The following PSMD14 variants were observed in gnomAD, a reference collection of about 807,000 sequenced individuals.
PSMD14 encodes the protein proteasome 26S subunit, non-ATPase 14, also known as ubiquitin C-terminal hydrolase PSMD14.
PSMD14 carries 7 observed loss-of-function variants against 41.2 expected under a neutral mutation model. The observed-to-expected ratio is 0.17, with a 90% CI of 0.10 to 0.32. The LOEUF is 0.32. Ranked by LOEUF, PSMD14 falls within the 10% of genes least tolerant of loss-of-function variation. The pLI, the probability that PSMD14 is intolerant of heterozygous loss-of-function variation, is 1.00. For missense variants in PSMD14, 139 were observed against 375.6 expected (o/e 0.37, Z 5.21); for synonymous variants, 114 against 122.3 (o/e 0.93, Z 0.45).
chr2:161,361,141 T>A lies in PSMD14; in HGVS notation c.49-6337T>A, dbSNP rs989672321. ...TAGCATTTGTTACACTTTAATTTTT[T>A]AAAAAAACATGTAACTCTTTAATCC... On this transcript the variant is annotated intron_variant, in intron 3 of 11. Transcript: ENST00000409682. 5.9e-5 allele frequency among the ~76,000 whole-genome samples: 9 copies of A among 152,146 alleles called. 1 individual carries two copies. The South Asian group carries it at 1.2e-3, about 21-fold the overall frequency.
At chr2:161,355,186 G>T (rs1683178950) in intron 3 of PSMD14, among the ~76,000 whole-genome samples, 1 of 152,062 alleles carries the variant, frequency 6.6e-6, no homozygotes, top group Admixed American at 6.6e-5. Context: ...TATATCGTTG[G>T]TTAAACTTAC....
intron 3 of PSMD14, among the ~76,000 whole-genome samples, chr2:161,332,524 C>G (rs1487752602): frequency 6.6e-6 from 1 of 152,100 alleles, no homozygotes; most frequent in East Asian, 1.9e-4. Context: ...TGCCAATTAG[C>G]CATCAAGTGC....
At chr2:161,369,319 T>C (rs1235909265) in intron 5 of PSMD14, among the ~76,000 whole-genome samples, 1 of 152,088 alleles carries the variant, frequency 6.6e-6, no homozygotes, top group African/African-American at 2.4e-5. Flanking sequence ...GTAAACTTTT[T>C]CTATAAAGAC....
At chr2:161,384,080 G>C (rs975645889) in intron 7 of PSMD14, 4 of 151,478 alleles carry the variant, frequency 2.6e-5, no homozygotes, top group African/African-American at 4.8e-5. Context: ...TGTATAAAAA[G>C]AAAAAAGTTT....
intron 3 of PSMD14, among the ~76,000 whole-genome samples, chr2:161,345,596 T>C (rs1046614804): frequency 6.6e-6 from 1 of 152,054 alleles, no homozygotes; most frequent in African/African-American, 2.4e-5. Flanking sequence ...TTTAAGATTT[T>C]TTTCTTTATC....
At chr2:161,362,450 T>C (rs1335978777) in intron 3 of PSMD14, among the ~76,000 whole-genome samples, 2 of 152,232 alleles carry the variant, frequency 1.3e-5, no homozygotes, top group African/African-American at 4.8e-5. Context: ...GATTTCTTTA[T>C]ATGACGACTC....
At chr2:161,391,049 T>A (rs1683704560) in intron 8 of PSMD14, 55 bp from the exon 9 acceptor site, 1 of 1,384,056 alleles carries the variant, frequency 7.2e-7, no homozygotes, top group African/African-American at 1.5e-5. Flanking sequence ...TTTCAAACAT[T>A]TTTATTAGGT....
chr2:161,377,756 A>C (rs1271325844), intron 7 of PSMD14, among the ~76,000 whole-genome samples: 1 of 151,898 alleles, frequency 6.6e-6, no homozygotes, highest in East Asian at 1.9e-4. Flanking sequence ...TTCAGTAAAA[A>C]TACATCATTC....
intron 3 of PSMD14, among the ~76,000 whole-genome samples, chr2:161,323,936 A>G (rs979874187): frequency 1.2e-4 from 3 of 24,868 alleles, no homozygotes; most frequent in African/African-American, 7.4e-4. Flanking sequence ...CGTTGTCTTT[A>G]TAACAACTCC....
intron 3 of PSMD14, among the ~76,000 whole-genome samples, chr2:161,338,839 A>C (rs1682906668): frequency 6.6e-6 from 1 of 152,116 alleles, no homozygotes; most frequent in Non-Finnish European, 1.5e-5. Context: ...CCAGACTACC[A>C]CTGATTTGCT....
At chr2:161,364,025 C>T (rs1356143105) in intron 3 of PSMD14, among the ~76,000 whole-genome samples, 4 of 152,276 alleles carry the variant, frequency 2.6e-5, no homozygotes, top group Middle Eastern at 3.4e-3. Context: ...TCAGATCACA[C>T]GTGGGCTTGG....
intron 11 of PSMD14, chr2:161,409,695 G>A (rs568761404): frequency 2.0e-5 from 3 of 152,166 alleles, no homozygotes; most frequent in Non-Finnish European, 2.9e-5. Context: ...TGAGGGAAGC[G>A]TGTTACCAAT....
intron 1 of PSMD14, among the ~76,000 whole-genome samples, chr2:161,310,266 A>C (rs1288931343): frequency 1.3e-5 from 2 of 152,228 alleles, no homozygotes; most frequent in African/African-American, 2.4e-5. Context: ...ATATGTATGA[A>C]AGTCAATAAA....
chr2:161,406,941 GTCTA>G (rs1049842700), intron 10 of PSMD14, among the ~76,000 whole-genome samples: 1 of 151,904 alleles, frequency 6.6e-6, no homozygotes, highest in Non-Finnish European at 1.5e-5. Flanking sequence ...ATCTTTCATT[GTCTA>G]TCTACCATCT....
At chr2:161,364,820 A>G (rs1683337183) in intron 3 of PSMD14, among the ~76,000 whole-genome samples, 1 of 152,156 alleles carries the variant, frequency 6.6e-6, no homozygotes, top group Non-Finnish European at 1.5e-5. Flanking sequence ...AACAGCACTC[A>G]TGGCTGGGTG....
intron 1 of PSMD14, among the ~76,000 whole-genome samples, chr2:161,314,461 T>A (rs1468729000): frequency 2.0e-5 from 3 of 152,246 alleles, no homozygotes; most frequent in Non-Finnish European, 4.4e-5. Flanking sequence ...ATTCGCAGTG[T>A]GCCATTACCA....
At chr2:161,363,592 G>C (rs1025279564) in intron 3 of PSMD14, among the ~76,000 whole-genome samples, 1 of 152,158 alleles carries the variant, frequency 6.6e-6, no homozygotes, top group African/African-American at 2.4e-5. Flanking sequence ...TGAATCACCA[G>C]AATACTGCCC....
At chr2:161,359,321 C>T (rs1683256979) in intron 3 of PSMD14, among the ~76,000 whole-genome samples, 1 of 152,032 alleles carries the variant, frequency 6.6e-6, no homozygotes, top group Admixed American at 6.6e-5. Flanking sequence ...ATTTTATATG[C>T]TTATATATAT....
intron 7 of PSMD14, chr2:161,383,641 T>A (rs772294482): frequency 1.3e-5 from 2 of 151,618 alleles, no homozygotes; most frequent in Non-Finnish European, 3.0e-5. Flanking sequence ...TGATATATAA[T>A]GAAATTTTCA....
Sources: allele counts gnomAD v4.1 joint callset (sites outside exome capture counted in the v4.1 genomes callset), GRCh38; gene constraint gnomAD v4.1.1; transcripts MANE v1.5; gene names NCBI Gene and HGNC (gene_info 2026-07-23, HGNC 2026-07-21).